Variants in MPP7 observed in about 807,000 individuals in gnomAD.
MPP7 encodes MAGUK p55 scaffold protein 7.
In MPP7, 60 loss-of-function variants were observed where a neutral mutation model predicts 76.5. That is an observed-to-expected ratio of 0.78 (90% CI 0.64 to 0.97). The LOEUF is 0.97. Among genes scored for constraint, MPP7 ranks in the 50% least tolerant of loss-of-function variants. MPP7 has a pLI of 0.00. For synonymous variants in MPP7, 237 were observed against 244.5 expected, an observed-to-expected ratio of 0.97 and a Z score of 0.29; for missense variants, 641 against 694.0, an observed-to-expected ratio of 0.92 and a Z score of 0.86.
chr10:28,239,928 T>C (rs565937931), intron 1 of MPP7, among the ~76,000 whole-genome samples: 1 of 152,190 alleles, frequency 6.6e-6, no homozygotes, highest in Non-Finnish European at 1.5e-5. Flanking sequence ...ACATGGTAAA[T>C]AAACAAGAAA....
chr10:28,292,243 T>C (rs2133130723), intron 1 of MPP7, among the ~76,000 whole-genome samples: 1 of 152,336 alleles, frequency 6.6e-6, no homozygotes, highest in East Asian at 1.9e-4. Flanking sequence ...CAGTCTGCGA[T>C]GTTCACACAA....
At chr10:28,250,223 A>C (rs1316824334) in intron 1 of MPP7, among the ~76,000 whole-genome samples, 2 of 152,140 alleles carry the variant, frequency 1.3e-5, no homozygotes, top group African/African-American at 4.8e-5. Flanking sequence ...AGGGGTGTCA[A>C]GTAATGGTGT....
intron 2 of MPP7, among the ~76,000 whole-genome samples, chr10:28,323,015 G>A (rs1349365435): frequency 2.0e-5 from 3 of 152,082 alleles, no homozygotes; most frequent in African/African-American, 4.8e-5. Context: ...GGCCGGGCAC[G>A]GTGGCTCACA....
chr10:28,070,351 A>C (rs1310725126), intron 12 of MPP7, among the ~76,000 whole-genome samples: 2 of 152,172 alleles, frequency 1.3e-5, no homozygotes, highest in African/African-American at 4.8e-5. Context: ...GTGAGCCGAG[A>C]TCGCGCCTCT....
chr10:28,224,098 T>G (rs1838609807), intron 2 of MPP7, among the ~76,000 whole-genome samples: 1 of 151,588 alleles, frequency 6.6e-6, no homozygotes, highest in Non-Finnish European at 1.5e-5. Flanking sequence ...GGCACAAGAA[T>G]CACTTGAACC....
At chr10:28,060,276 C>T (rs570433079) in intron 13 of MPP7, among the ~76,000 whole-genome samples, 1 of 152,276 alleles carries the variant, frequency 6.6e-6, no homozygotes, top group Non-Finnish European at 1.5e-5. Flanking sequence ...TAAATAGCAT[C>T]ATCTTAGAAT....
chr10:28,192,761 G>C (rs145532820), intron 3 of MPP7, among the ~76,000 whole-genome samples: 1 of 152,178 alleles, frequency 6.6e-6, no homozygotes, highest in African/African-American at 2.4e-5. Flanking sequence ...TTGTGGATAT[G>C]ACAAACTGAT....
intron 3 of MPP7, among the ~76,000 whole-genome samples, chr10:28,152,694 T>C (rs1835922134): frequency 2.0e-5 from 3 of 152,186 alleles, no homozygotes; most frequent in South Asian, 4.1e-4. Context: ...ATGGAGCCAG[T>C]AGCCTTCTTC....
intron 4 of MPP7, among the ~76,000 whole-genome samples, chr10:28,149,331 T>C (rs1835805244): frequency 6.6e-6 from 1 of 152,238 alleles, no homozygotes. Flanking sequence ...TCCAGGTGTG[T>C]TCTCAATTCA....
At chr10:28,070,411 A>G (rs17757838) in intron 12 of MPP7, among the ~76,000 whole-genome samples, 26,160 of 152,126 alleles carry the variant, frequency 0.17, 3,110 homozygotes, top group East Asian at 0.33. Context: ...AAGAGTATTT[A>G]AGTATTACCA....
chr10:28,064,804 T>G (rs1251924728), intron 13 of MPP7, among the ~76,000 whole-genome samples: 1 of 152,134 alleles, frequency 6.6e-6, no homozygotes, highest in Non-Finnish European at 1.5e-5. Flanking sequence ...CACCAAGAGG[T>G]AGTGCTAGTC....
chr10:28,238,035 T>C (rs974961680), intron 2 of MPP7, among the ~76,000 whole-genome samples: 1 of 152,192 alleles, frequency 6.6e-6, no homozygotes, highest in African/African-American at 2.4e-5. Flanking sequence ...TTATAACTGA[T>C]AATAACATAA....
intron 1 of MPP7, among the ~76,000 whole-genome samples, chr10:28,258,451 G>A (rs1449925023): frequency 2.7e-5 from 4 of 149,106 alleles, no homozygotes; most frequent in Non-Finnish European, 4.4e-5. Context: ...CCAGGCTAGA[G>A]TGCAGTGGCA....
chr10:28,326,691 C>T (rs780203382), intron 2 of MPP7, among the ~76,000 whole-genome samples: 4 of 152,150 alleles, frequency 2.6e-5, no homozygotes, highest in African/African-American at 9.7e-5. Context: ...CTGTCCACAG[C>T]GTAGTTTTAC....
chr10:28,147,399 T>C (rs112863156), intron 5 of MPP7, 84 bp downstream of exon 5: 38 of 1,018,210 alleles, frequency 3.7e-5, no homozygotes, highest in African/African-American at 1.4e-4. Flanking sequence ...TACTTGAGAA[T>C]TGATGCTCGA....
chr10:28,259,791 G>C (rs1396082847), intron 1 of MPP7, among the ~76,000 whole-genome samples: 1 of 151,960 alleles, frequency 6.6e-6, no homozygotes, highest in Non-Finnish European at 1.5e-5. Context: ...CCAGAGCGTG[G>C]GCAACATGAC....
chr10:28,106,187 C>T (rs2133540967), intron 11 of MPP7, among the ~76,000 whole-genome samples: 1 of 152,292 alleles, frequency 6.6e-6, no homozygotes, highest in South Asian at 2.1e-4. Context: ...CTCCCATAGT[C>T]TTAATTCCAC....
Position 28,106,822 on chromosome 10 carries a change from G to A in MPP7, c.952+12829C>T, listed in dbSNP as rs548441642. Among the ~76,000 whole-genome samples, 10 of 152,200 alleles carry A rather than the reference G, an allele frequency of 6.6e-5. 1 individual carries two copies. In the East Asian group the frequency reaches 7.7e-4, roughly 12 times the overall value. The stretch of plus-strand genomic sequence containing the variant: ...TCTCAGATGTTATCAGTGATTCCGC[G>A]TTGCCAAATTCAATGGCATTTTGTC... On this transcript the variant is annotated intron_variant, in intron 11 of 16. Coordinates refer to ENST00000683449, the MANE Select transcript of MPP7 (RefSeq NM_001318170.2).
chr10:28,120,751 C>A (rs1367128633), intron 8 of MPP7, 83 bp from the exon 9 acceptor site: 1 of 1,080,696 alleles, frequency 9.3e-7, no homozygotes. Context: ...TGAAATGCAT[C>A]TGAAAATTTA....
Sources: allele counts gnomAD v4.1 joint callset (sites outside exome capture counted in the v4.1 genomes callset), GRCh38; gene constraint gnomAD v4.1.1; transcripts MANE v1.5; gene names NCBI Gene and HGNC (gene_info 2026-07-23, HGNC 2026-07-21).